KLC1: variants seen among roughly 807,000 people sequenced by gnomAD.
The protein encoded by KLC1 is kinesin 2 60/70kDa.
Under a neutral mutation model 84.2 loss-of-function variants are expected in KLC1, and 30 were observed. That is an observed-to-expected ratio of 0.36 (90% CI 0.27 to 0.48). The LOEUF (loss-of-function observed/expected upper bound fraction) is 0.48. Among genes scored for constraint, KLC1 ranks in the 20% least tolerant of loss-of-function variants. The probability of loss-of-function intolerance (pLI) is 0.99; values close to 1 mark genes in which losing one functional copy is unlikely to be tolerated. For missense variants in KLC1, 499 were observed against 805.4 expected (o/e 0.62, Z 4.60); for synonymous variants, 289 against 293.3 (o/e 0.99, Z 0.15).
rs1224652941 is a variant in KLC1, at chr14:103,694,213, G to A, written c.1848+1788G>A. The A allele has an allele frequency of 1.2e-5, 12 of 983,288 alleles. No homozygotes were observed. Among genetic ancestry groups the A allele is most frequent in the African/African-American group, 7.1e-5 (4 of 56,488 alleles). The allele number at this position is 983,288 out of a possible 1,614,324, so 60.9% of individuals were successfully genotyped here. Reference sequence around the variant, plus strand: ...CCTTTTGAGCTGTGTTCTCCCGGACGCCCCTGCACACGAAGCCCATAGAGA... The same window carrying A: ...CCTTTTGAGCTGTGTTCTCCCGGACACCCCTGCACACGAAGCCCATAGAGA... On this transcript the variant is annotated intron_variant, in intron 15 of 16. Coordinates refer to ENST00000334553, the MANE Select transcript of KLC1 (RefSeq NM_001394837.1). This position sits in a 1 kb window ranked among gnomAD's most constrained non-coding sequence, Gnocchi z 4.5.
At chr14:103,696,169 G>C (rs1047053880) in intron 15 of KLC1, 36 of 981,760 alleles carry the variant, frequency 3.7e-5, no homozygotes, top group Non-Finnish European at 4.2e-5. Flanking sequence ...GGGAGCGTCT[G>C]GATCTGTGGG....
intron 7 of KLC1, 93 bp from the exon 8 acceptor site, chr14:103,672,921 A>C: frequency 2.7e-6 from 3 of 1,121,132 alleles, no homozygotes; most frequent in Non-Finnish European, 4.0e-6. Context: ...AGTCGTGCTT[A>C]TGTTGAGGAA....
intron 13 of KLC1, chr14:103,683,825 C>T (rs1358832549): frequency 6.6e-6 from 1 of 152,174 alleles, no homozygotes; most frequent in Non-Finnish European, 1.5e-5. Flanking sequence ...AAATTCTTAC[C>T]TAGGATTATT....
rs1319050467 is a variant in KLC1, at chr14:103,662,118, G to A, written c.495G>A (p.Glu165=). The A allele has an allele frequency of 6.2e-7, 1 of 1,612,842 alleles. No homozygotes were observed. The highest frequency in any genetic ancestry group is 2.2e-5 in the East Asian group (1 of 44,858). ...GTTGTCCTGGGTCTGTTTTATAGGA[G>A]GACAAAGACACTGATTCTACCAAAG... is the stretch of plus-strand genomic sequence containing the variant. The part of the protein sequence containing the change: ...KKYDDDISPS[E]DKDTDSTKEP... The change falls in exon 4 of 17, where the codon GAG becomes GAA. Residue 165 remains glutamate (E), a splice_region_variant and synonymous_variant. Transcript: ENST00000334553.
chr14:103,695,370 T>C lies in KLC1; in HGVS notation c.1848+2945T>C, dbSNP rs547281115. The stretch of plus-strand genomic sequence containing the variant: ...ATATATATATATATATACATACATA[T>C]ATATACATATATAATTTGATGGGTT... On this transcript the variant is annotated intron_variant, in intron 15 of 16. Coordinates refer to ENST00000334553, the MANE Select transcript of KLC1 (RefSeq NM_001394837.1). 192 of 853,956 alleles carry C rather than the reference T, an allele frequency of 2.2e-4. No individual in the cohort carries two copies. The South Asian group carries it at 8.6e-3, about 38-fold the overall frequency. 52.9% of individuals were successfully genotyped at this position (853,956 alleles called of 1,614,324 possible). A position where few individuals can be genotyped will look rare whatever the true frequency, so the allele number is the denominator to read the frequency against.
At position 103,655,169 on chromosome 14, in the gene KLC1, G is replaced by A. The variant is rs192432493; in HGVS notation, c.261+344G>A. Among the ~76,000 whole-genome samples the A allele has an allele frequency of 4.7e-4, 71 of 152,202 alleles. 1 individual carries two copies. In the East Asian group the frequency reaches 0.013, roughly 28 times the overall value. Reference sequence around the variant, plus strand: ...TTGAACCTGGGAGGCAGAGGTTGCAGGGAGCCAAAATTGCATCACTGCACT... The same window carrying A: ...TTGAACCTGGGAGGCAGAGGTTGCAAGGAGCCAAAATTGCATCACTGCACT... On this transcript the variant is annotated intron_variant, in intron 2 of 16. Transcript: ENST00000334553.
intron 15 of KLC1, 41 bp downstream of exon 15, chr14:103,692,466 C>T (rs778045186): frequency 1.3e-6 from 2 of 1,517,272 alleles, no homozygotes; most frequent in South Asian, 1.2e-5. Flanking sequence ...GCTGCCCAGA[C>T]CACGCTGGCA....
At chr14:103,642,897 T>C (rs2077601809) in intron 1 of KLC1, among the ~76,000 whole-genome samples, 1 of 151,584 alleles carries the variant, frequency 6.6e-6, no homozygotes. Flanking sequence ...GCCTCCTGAG[T>C]TGCTGGGACA....
intron 1 of KLC1, among the ~76,000 whole-genome samples, chr14:103,644,605 T>A (rs1380109482): frequency 1.3e-5 from 2 of 151,962 alleles, no homozygotes; most frequent in Non-Finnish European, 2.9e-5. Context: ...TAGAGAATAT[T>A]CTCTGGGACT....
intron 7 of KLC1, 151 bp from the exon 8 acceptor site, chr14:103,672,863 A>G (rs1157324919): frequency 3.0e-6 from 2 of 658,732 alleles, no homozygotes; most frequent in Non-Finnish European, 5.2e-6. Flanking sequence ...TTTTATTACT[A>G]CGTGGTGTAG....
chr14:103,689,487 A>G (rs2081968472), intron 14 of KLC1, among the ~76,000 whole-genome samples: 1 of 152,238 alleles, frequency 6.6e-6, no homozygotes, highest in South Asian at 2.1e-4. Flanking sequence ...CGTAAAATGC[A>G]TACAACTGAA....
At chr14:103,653,325 TTTTA>T (rs1363770512) in intron 1 of KLC1, among the ~76,000 whole-genome samples, 3 of 152,224 alleles carry the variant, frequency 2.0e-5, no homozygotes, top group South Asian at 2.1e-4. Flanking sequence ...CTTCATTTAT[TTTTA>T]TTTATTTATT....
intron 11 of KLC1, 84 bp downstream of exon 11, chr14:103,675,840 C>G (rs2080827634): frequency 9.1e-7 from 1 of 1,098,700 alleles, no homozygotes; most frequent in Non-Finnish European, 1.4e-6. Context: ...TATAAATGAC[C>G]AATGTGTAGT....
chr14:103,690,664 A>G (rs2151845705), intron 14 of KLC1, among the ~76,000 whole-genome samples: 1 of 152,350 alleles, frequency 6.6e-6, no homozygotes, highest in South Asian at 2.1e-4. Flanking sequence ...TCACGTTCAG[A>G]ATTCAAGTAA....
In KLC1 at chr14:103,664,437, C is replaced by A. The variant is rs139827243; in HGVS notation, c.797+1510C>A. ...AAAGTGCTGGGATTACAGGCATGAG[C>A]CACTGTGCCTGGCCAATTGTTTGCA... On this transcript the variant is annotated intron_variant, in intron 5 of 16. Coordinates refer to ENST00000334553, the MANE Select transcript of KLC1 (RefSeq NM_001394837.1). 5.1e-3 allele frequency among the ~76,000 whole-genome samples: 770 copies of A among 152,260 alleles called. 5 individuals are homozygous for A. The highest frequency in any genetic ancestry group is 0.013 in the South Asian group (65 of 4,828).
chr14:103,697,416 A>G (rs747373516), intron 15 of KLC1, among the ~76,000 whole-genome samples: 3 of 152,094 alleles, frequency 2.0e-5, no homozygotes, highest in Non-Finnish European at 4.4e-5. Context: ...CACCCTGGGC[A>G]CATAAGGTGG....
In KLC1 at chr14:103,694,731, A is replaced by G. The variant is rs568248778; in HGVS notation, c.1848+2306A>G. The stretch of plus-strand genomic sequence containing the variant: ...GCTCAGCTTGCCACTGTCATGTAAC[A>G]GGGTGGGTGGTGGCACAGCAGAGGC... On this transcript the variant is annotated intron_variant, in intron 15 of 16. Coordinates refer to ENST00000334553, the MANE Select transcript of KLC1 (RefSeq NM_001394837.1). This position sits in a 1 kb window ranked among gnomAD's most constrained non-coding sequence, Gnocchi z 4.5. 29 of 985,472 alleles carry G rather than the reference A, an allele frequency of 2.9e-5. No homozygotes were observed. The highest frequency in any genetic ancestry group is 1.0e-3 in the Middle Eastern group (2 of 1,914). The allele number at this position is 985,472 out of a possible 1,614,324, so 61.0% of individuals were successfully genotyped here.
chr14:103,690,774 C>T lies in KLC1; in HGVS notation c.1782-1585C>T, dbSNP rs1251287600. Reference sequence around the variant, plus strand: ...CAACGATAGTCATTTTATGACTGTCCATCATTTAAGTTATAGATTATTTAT... The same window carrying T: ...CAACGATAGTCATTTTATGACTGTCTATCATTTAAGTTATAGATTATTTAT... On this transcript the variant is annotated intron_variant, in intron 14 of 16. Transcript: ENST00000334553. Among the ~76,000 whole-genome samples the T allele has an allele frequency of 2.6e-5, 4 of 152,080 alleles. No individual in the cohort carries two copies. The East Asian group carries it at 7.7e-4, about 29-fold the overall frequency.
intron 1 of KLC1, among the ~76,000 whole-genome samples, chr14:103,653,152 A>T (rs1197320019): frequency 6.6e-6 from 1 of 151,806 alleles, no homozygotes; most frequent in Non-Finnish European, 1.5e-5. Flanking sequence ...TTTTTTGGGA[A>T]TTTTTTAAAG....
Sources: allele counts gnomAD v4.1 joint callset (sites outside exome capture counted in the v4.1 genomes callset), GRCh38; gene constraint gnomAD v4.1.1; non-coding constraint Gnocchi (gnomAD v3.1); transcripts MANE v1.5; gene names NCBI Gene and HGNC (gene_info 2026-07-23, HGNC 2026-07-21).